Variants in RAPGEF6 observed in about 807,000 individuals in gnomAD.
The protein encoded by RAPGEF6 is Rap guanine nucleotide exchange factor 6.
In RAPGEF6, 56 loss-of-function variants were observed where a neutral mutation model predicts 171.4. The ratio of observed to expected loss-of-function variants is 0.33; its 90% CI spans 0.26 to 0.41. The LOEUF (loss-of-function observed/expected upper bound fraction) is 0.41, where lower values mean the gene tolerates loss of function less well. Ranked by LOEUF, RAPGEF6 falls within the 10% of genes least tolerant of loss-of-function variation. The probability of loss-of-function intolerance (pLI) is 1.00; values close to 1 mark genes in which losing one functional copy is unlikely to be tolerated. For missense variants in RAPGEF6, 1,674 were observed against 1,921.4 expected, an observed-to-expected ratio of 0.87 and a Z score of 2.41; for synonymous variants, 692 against 650.1, an observed-to-expected ratio of 1.06 and a Z score of -0.98.
At chr5:131,596,463 G>A (rs1763911029) in intron 3 of RAPGEF6, among the ~76,000 whole-genome samples, 1 of 151,604 alleles carries the variant, frequency 6.6e-6, no homozygotes. Flanking sequence ...TAGATATAAA[G>A]GGAGAGACAG....
Position 131,534,963 on chromosome 5 carries a change from A to G in RAPGEF6, c.495+13084T>C, listed in dbSNP as rs189893745. On this transcript the variant is annotated intron_variant, in intron 6 of 27. Coordinates refer to ENST00000509018, the MANE Select transcript of RAPGEF6 (RefSeq NM_016340.6). Reference sequence around the variant, plus strand: ...ATAAATCATGCTGATCAACACACAAAGAAGGACCTCAAGCTGGGCAAGGGA... The same window carrying G: ...ATAAATCATGCTGATCAACACACAAGGAAGGACCTCAAGCTGGGCAAGGGA... Among the ~76,000 whole-genome samples the G allele has an allele frequency of 5.2e-3, 795 of 152,232 alleles. 6 individuals are homozygous for G. Among genetic ancestry groups the G allele is most frequent in the African/African-American group, 0.018 (756 of 41,564 alleles).
intron 6 of RAPGEF6, among the ~76,000 whole-genome samples, chr5:131,522,912 C>G (rs1036300669): frequency 3.9e-4 from 59 of 152,216 alleles, no homozygotes; most frequent in African/African-American, 1.4e-3. Flanking sequence ...GACCTCAATG[C>G]CTGATGCTAA....
chr5:131,456,416 C>G (rs1348256189), intron 19 of RAPGEF6, among the ~76,000 whole-genome samples: 2 of 152,164 alleles, frequency 1.3e-5, no homozygotes, highest in Admixed American at 6.5e-5. Flanking sequence ...TAAATAATAA[C>G]TGGAGCTAAT....
intron 4 of RAPGEF6, among the ~76,000 whole-genome samples, chr5:131,580,073 C>T (rs1762850798): frequency 6.6e-6 from 1 of 152,228 alleles, no homozygotes; most frequent in African/African-American, 2.4e-5. Flanking sequence ...GGACCAGGCG[C>T]CGCAGAGCAG....
At chr5:131,532,981 T>C (rs937862999) in intron 6 of RAPGEF6, 1 of 152,630 alleles carries the variant, frequency 6.6e-6, no homozygotes, top group South Asian at 2.1e-4. Flanking sequence ...AGCAGCTCCC[T>C]AAGGAGAAGC....
intron 8 of RAPGEF6, 101 bp from the exon 9 acceptor site, chr5:131,508,308 T>C (rs983656018): frequency 3.4e-6 from 4 of 1,192,030 alleles, no homozygotes; most frequent in South Asian, 1.8e-5. Flanking sequence ...AATCAACTTA[T>C]AAATTTATGT....
At chr5:131,616,126 A>G (rs1765248489) in intron 1 of RAPGEF6, among the ~76,000 whole-genome samples, 1 of 152,156 alleles carries the variant, frequency 6.6e-6, no homozygotes, top group South Asian at 2.1e-4. Flanking sequence ...GAAGAAGGTG[A>G]GGAAGTGGTG....
chr5:131,491,138 C>T (rs1027358590), intron 14 of RAPGEF6, among the ~76,000 whole-genome samples: 10 of 152,086 alleles, frequency 6.6e-5, no homozygotes, highest in Non-Finnish European at 1.5e-4. Context: ...TTACAGGATT[C>T]TAGCTATTAG....
In RAPGEF6 at chr5:131,495,430, C is replaced by T. The variant is rs554371569; in HGVS notation, c.1527+123G>A. The T allele has an allele frequency of 1.4e-4, 92 of 638,340 alleles. No homozygotes were observed. In the Middle Eastern group the frequency reaches 1.4e-3, roughly 10 times the overall value. 39.5% of individuals were successfully genotyped at this position (638,340 alleles called of 1,614,324 possible). A position where few individuals can be genotyped will look rare whatever the true frequency, so the allele number is the denominator to read the frequency against. ...TGAACAAAAGTCTAGAATACAGATT[C>T]GGAAGTTCTAAGAATGGACATTTAA... On this transcript the variant is annotated intron_variant, in intron 13 of 27. Coordinates refer to ENST00000509018, the MANE Select transcript of RAPGEF6 (RefSeq NM_016340.6).
At chr5:131,449,691 T>C (rs771510055) in intron 21 of RAPGEF6, among the ~76,000 whole-genome samples, 2 of 152,162 alleles carry the variant, frequency 1.3e-5, no homozygotes, top group African/African-American at 2.4e-5. Flanking sequence ...GTAGTAGAAT[T>C]AAGTAAGATA....
intron 24 of RAPGEF6, chr5:131,436,518 TG>T (rs1752016151): frequency 1.2e-6 from 1 of 802,712 alleles, no homozygotes; most frequent in East Asian, 2.7e-5. Flanking sequence ...TTTTAATGCA[TG>T]GAAAAAAATC....
At chr5:131,514,880 C>T (rs1157419438) in intron 7 of RAPGEF6, among the ~76,000 whole-genome samples, 1 of 152,152 alleles carries the variant, frequency 6.6e-6, no homozygotes, top group Non-Finnish European at 1.5e-5. Flanking sequence ...TGGGACATAT[C>T]AGACCCTTAA....
At chr5:131,535,298 G>A (rs1160567081) in intron 6 of RAPGEF6, among the ~76,000 whole-genome samples, 1 of 152,026 alleles carries the variant, frequency 6.6e-6, no homozygotes, top group Non-Finnish European at 1.5e-5. Context: ...AGCATTCTGA[G>A]GAAATAATGA....
intron 15 of RAPGEF6, among the ~76,000 whole-genome samples, chr5:131,481,509 C>T (rs953238210): frequency 6.6e-6 from 1 of 152,094 alleles, no homozygotes; most frequent in Non-Finnish European, 1.5e-5. Context: ...GGATTACAGG[C>T]GTTAAGCCAC....
intron 2 of RAPGEF6, among the ~76,000 whole-genome samples, 162 bp from the exon 3 acceptor site, chr5:131,603,489 T>TTTATATATATATA (rs1436538871): frequency 6.6e-6 from 1 of 152,136 alleles, no homozygotes; most frequent in Non-Finnish European, 1.5e-5. Flanking sequence ...TATATGTGTA[T>TTTATATATATATA]TTTATATATA....
chr5:131,532,195 C>A (rs923045708), intron 6 of RAPGEF6: 1 of 435,454 alleles, frequency 2.3e-6, no homozygotes, highest in Non-Finnish European at 4.5e-6. Flanking sequence ...CAAACCAGAG[C>A]TACAGTGATG....
chr5:131,598,788 G>A lies in RAPGEF6; in HGVS notation c.197+4483C>T, dbSNP rs556009904. ...AGATTGACAGATTCATTGTAACAAC[G>A]TCATTTCTCTCTGAATTGATTTATG... is the stretch of plus-strand genomic sequence containing the variant. On this transcript the variant is annotated intron_variant, in intron 3 of 27. Transcript: ENST00000509018. Among the ~76,000 whole-genome samples the A allele has an allele frequency of 6.6e-5, 10 of 152,284 alleles. No individual in the cohort carries two copies. The South Asian group carries it at 2.1e-3, about 32-fold the overall frequency.
At chr5:131,581,537 C>A (rs911409331) in intron 4 of RAPGEF6, among the ~76,000 whole-genome samples, 1 of 152,102 alleles carries the variant, frequency 6.6e-6, no homozygotes, top group South Asian at 2.1e-4. Flanking sequence ...CAACATCTTA[C>A]TTCAGTCTAA....
At chr5:131,573,309 T>C (rs1169110078) in intron 4 of RAPGEF6, among the ~76,000 whole-genome samples, 5 of 152,162 alleles carry the variant, frequency 3.3e-5, no homozygotes, top group Non-Finnish European at 2.9e-5. Context: ...CAGAGGTGGC[T>C]GGAGCTGAAG....
Sources: gnomAD v4.1 joint callset for allele counts (sites outside exome capture counted in the v4.1 genomes callset) on GRCh38, gnomAD v4.1.1 for gene constraint, MANE v1.5 for transcripts, NCBI Gene and HGNC (gene_info 2026-07-23, HGNC 2026-07-21) for gene names.